Variants in SPOCK3 observed in about 807,000 individuals in gnomAD.
The protein encoded by SPOCK3 is testican-3.
SPOCK3 carries 30 observed loss-of-function variants against 56.6 expected under a neutral mutation model. The ratio of observed to expected loss-of-function variants is 0.53; its 90% CI spans 0.40 to 0.72. The LOEUF is 0.72. SPOCK3 is among the 30% of genes least tolerant of loss of function. The probability of loss-of-function intolerance (pLI) is 0.00; values close to 1 mark genes in which losing one functional copy is unlikely to be tolerated. For synonymous variants in SPOCK3, 196 were observed against 183.3 expected, an observed-to-expected ratio of 1.07 and a Z score of -0.56; for missense variants, 527 against 530.0, an observed-to-expected ratio of 0.99 and a Z score of 0.06.
At chr4:167,012,591 T>C (rs1178006909) in intron 3 of SPOCK3, among the ~76,000 whole-genome samples, 3 of 151,964 alleles carry the variant, frequency 2.0e-5, no homozygotes, top group Non-Finnish European at 4.4e-5. Flanking sequence ...TATCATGATT[T>C]AAAAGCAGAT....
intron 3 of SPOCK3, among the ~76,000 whole-genome samples, chr4:167,045,664 A>G (rs1357529936): frequency 1.3e-5 from 2 of 152,082 alleles, no homozygotes; most frequent in Non-Finnish European, 2.9e-5. Flanking sequence ...ATAATACTCT[A>G]CCACTTTATG....
intron 3 of SPOCK3, among the ~76,000 whole-genome samples, chr4:167,001,563 G>T (rs1413729947): frequency 6.6e-6 from 1 of 151,744 alleles, no homozygotes; most frequent in Admixed American, 6.6e-5. Context: ...CACTTTTTTG[G>T]CTATTGTAAA....
At chr4:167,197,240 A>G (rs189825703) in intron 2 of SPOCK3, among the ~76,000 whole-genome samples, 1 of 152,146 alleles carries the variant, frequency 6.6e-6, no homozygotes, top group Non-Finnish European at 1.5e-5. Context: ...ATCAGAGGTC[A>G]AATTAAGTTT....
At chr4:167,217,348 T>A (rs374234379) in intron 2 of SPOCK3, among the ~76,000 whole-genome samples, 7 of 151,242 alleles carry the variant, frequency 4.6e-5, no homozygotes, top group African/African-American at 1.2e-4. Flanking sequence ...ACTGAACATG[T>A]ACAGATGTTT....
At chr4:166,842,792 C>G (rs1312081528) in intron 6 of SPOCK3, among the ~76,000 whole-genome samples, 6 of 152,228 alleles carry the variant, frequency 3.9e-5, no homozygotes, top group Admixed American at 3.9e-4. Flanking sequence ...GGATCCTGTG[C>G]CAGAGCCGTG....
At chr4:167,033,211 C>T (rs796068108) in intron 3 of SPOCK3, among the ~76,000 whole-genome samples, 41 of 151,706 alleles carry the variant, frequency 2.7e-4, no homozygotes, top group African/African-American at 7.5e-4. Context: ...AAAAGGAATT[C>T]TTCCCTAGTG....
At chr4:166,831,842 T>C (rs1309017312) in intron 6 of SPOCK3, among the ~76,000 whole-genome samples, 3 of 151,678 alleles carry the variant, frequency 2.0e-5, no homozygotes, top group African/African-American at 7.3e-5. Context: ...TAATTTCCTC[T>C]TCTTTCTCTC....
At chr4:166,870,673 A>G (rs10026895) in intron 6 of SPOCK3, among the ~76,000 whole-genome samples, 2 of 151,866 alleles carry the variant, frequency 1.3e-5, no homozygotes, top group African/African-American at 2.4e-5. Flanking sequence ...TACAACTCAT[A>G]AAAATTTTTG....
chr4:167,106,172 T>C (rs1192887777), intron 2 of SPOCK3, among the ~76,000 whole-genome samples: 2 of 151,940 alleles, frequency 1.3e-5, no homozygotes, highest in Admixed American at 6.6e-5. Context: ...AGCTTGGAAA[T>C]ACACATTATT....
intron 5 of SPOCK3, among the ~76,000 whole-genome samples, chr4:166,898,825 G>A (rs899302255): frequency 2.6e-5 from 4 of 152,204 alleles, no homozygotes; most frequent in African/African-American, 7.2e-5. Flanking sequence ...AATCTGAATG[G>A]GCTAAGGGAT....
chr4:167,142,012 C>T (rs1763572980), intron 2 of SPOCK3, among the ~76,000 whole-genome samples: 1 of 151,968 alleles, frequency 6.6e-6, no homozygotes, highest in Non-Finnish European at 1.5e-5. Context: ...GTCAATGGAC[C>T]AATGGCTTCT....
chr4:167,225,987 C>T (rs1374994422), intron 2 of SPOCK3, among the ~76,000 whole-genome samples: 2 of 152,034 alleles, frequency 1.3e-5, no homozygotes, highest in Admixed American at 6.6e-5. Context: ...TTTTCTGCAT[C>T]GGAGGAAATA....
chr4:167,070,254 A>T (rs1398350468), intron 2 of SPOCK3, among the ~76,000 whole-genome samples: 1 of 151,954 alleles, frequency 6.6e-6, no homozygotes, highest in Non-Finnish European at 1.5e-5. Context: ...GGAGTAGGTC[A>T]ACCAGCCAAA....
At chr4:166,815,643 G>A (rs1744304499) in intron 6 of SPOCK3, among the ~76,000 whole-genome samples, 2 of 152,092 alleles carry the variant, frequency 1.3e-5, no homozygotes, top group South Asian at 4.1e-4. Context: ...ATCTGGGCTT[G>A]GTGGTGGGCA....
rs955057602 is a variant in SPOCK3, at chr4:166,979,392, A to T, written c.350+20957T>A. ...CTACAATAAACCAACATAAAACACT[A>T]CAAAAACTCCTTGATTTTTAATGAG... is the stretch of plus-strand genomic sequence containing the variant. On this transcript the variant is annotated intron_variant, in intron 4 of 10. Coordinates refer to ENST00000357545, the MANE Select transcript of SPOCK3 (RefSeq NM_001040159.2). Among the ~76,000 whole-genome samples, 7 of 152,168 alleles carry T rather than the reference A, an allele frequency of 4.6e-5. 1 individual carries two copies. The South Asian group carries it at 1.4e-3, about 31-fold the overall frequency.
chr4:166,853,280 A>G (rs1035006163), intron 6 of SPOCK3, among the ~76,000 whole-genome samples: 6 of 152,226 alleles, frequency 3.9e-5, no homozygotes, highest in African/African-American at 1.4e-4. Flanking sequence ...AGTCAAATGT[A>G]AGATAGGTGA....
intron 10 of SPOCK3, among the ~76,000 whole-genome samples, chr4:166,736,516 A>G (rs1285075762): frequency 6.6e-6 from 1 of 152,146 alleles, no homozygotes; most frequent in Non-Finnish European, 1.5e-5. Flanking sequence ...ATGGATTCAG[A>G]GCAGGAATTT....
At chr4:167,022,171 A>G (rs2150163788) in intron 3 of SPOCK3, among the ~76,000 whole-genome samples, 1 of 152,140 alleles carries the variant, frequency 6.6e-6, no homozygotes, top group African/African-American at 2.4e-5. Context: ...TGGAGCAAAC[A>G]AAAGACCTGC....
At chr4:167,115,300 C>A in intron 2 of SPOCK3, among the ~76,000 whole-genome samples, 1 of 147,976 alleles carries the variant, frequency 6.8e-6, no homozygotes. Context: ...AAGATATTTG[C>A]TATCTGGCCT....
Sources: gnomAD v4.1 joint callset for allele counts (sites outside exome capture counted in the v4.1 genomes callset) on GRCh38, gnomAD v4.1.1 for gene constraint, MANE v1.5 for transcripts, NCBI Gene and HGNC (gene_info 2026-07-23, HGNC 2026-07-21) for gene names.